Variants in FOXP2 observed in about 807,000 individuals in gnomAD.
FOXP2 encodes the protein forkhead box P2.
In FOXP2, 12 loss-of-function variants were observed where a neutral mutation model predicts 115.8. The ratio of observed to expected loss-of-function variants is 0.10; its 90% confidence interval spans 0.07 to 0.17. FOXP2 has a LOEUF of 0.17. FOXP2 is among the 10% of genes least tolerant of loss of function. The pLI, the probability that FOXP2 is intolerant of heterozygous loss-of-function variation, is 1.00. For synonymous variants in FOXP2, 328 were observed against 297.7 expected (o/e 1.10, Z -1.05); for missense variants, 629 against 843.5 (o/e 0.75, Z 3.15).
At chr7:114,284,706 G>C (rs1796423553) in intron 1 of FOXP2, among the ~76,000 whole-genome samples, 1 of 152,056 alleles carries the variant, frequency 6.6e-6, no homozygotes, top group African/African-American at 2.4e-5. Context: ...CCTGTTACTG[G>C]GTGTATACCC....
chr7:114,601,878 T>G (rs934368981), intron 3 of FOXP2, among the ~76,000 whole-genome samples: 1 of 152,072 alleles, frequency 6.6e-6, no homozygotes, highest in Non-Finnish European at 1.5e-5. Context: ...ATGGTTTATT[T>G]TGATACAGTT....
intron 1 of FOXP2, among the ~76,000 whole-genome samples, chr7:114,187,483 C>T (rs919322119): frequency 6.6e-6 from 1 of 152,150 alleles, no homozygotes; most frequent in Non-Finnish European, 1.5e-5. Flanking sequence ...CTTTACTGTC[C>T]GTATTTCTAC....
intron 3 of FOXP2, among the ~76,000 whole-genome samples, chr7:114,571,101 T>C (rs572786997): frequency 7.9e-5 from 12 of 152,100 alleles, no homozygotes; most frequent in African/African-American, 2.9e-4. Context: ...CATTTCACAG[T>C]TTCTGTGAGT....
intron 2 of FOXP2, among the ~76,000 whole-genome samples, chr7:114,312,389 A>G (rs1244971558): frequency 5.3e-5 from 8 of 152,060 alleles, no homozygotes; most frequent in African/African-American, 1.9e-4. Context: ...ACTCCCATTC[A>G]TTAGTCCTTA....
chr7:114,570,894 G>A (rs1789703581), intron 3 of FOXP2: 3 of 1,610,090 alleles, frequency 1.9e-6, no homozygotes, highest in African/African-American at 1.3e-5. Flanking sequence ...AAGTTACACT[G>A]GGCAATTAGA....
intron 2 of FOXP2, among the ~76,000 whole-genome samples, chr7:114,339,283 T>C (rs1268396425): frequency 1.3e-5 from 2 of 151,170 alleles, no homozygotes; most frequent in African/African-American, 4.8e-5. Flanking sequence ...TGGTATATGA[T>C]AATGTGATAA....
chr7:114,593,354 G>A (rs1802534887), intron 3 of FOXP2, among the ~76,000 whole-genome samples: 1 of 151,912 alleles, frequency 6.6e-6, no homozygotes, highest in Admixed American at 6.6e-5. Flanking sequence ...GTTCAAATGT[G>A]AACATATTTT....
chr7:114,323,507 A>G (rs1460801200), intron 2 of FOXP2, among the ~76,000 whole-genome samples: 1 of 152,022 alleles, frequency 6.6e-6, no homozygotes, highest in Admixed American at 6.5e-5. Context: ...GAGTTGCTGA[A>G]AAGACTTCTC....
At chr7:114,199,217 A>G (rs1335674781) in intron 1 of FOXP2, among the ~76,000 whole-genome samples, 1 of 152,124 alleles carries the variant, frequency 6.6e-6, no homozygotes, top group Non-Finnish European at 1.5e-5. Flanking sequence ...TTTTCTTCAC[A>G]TGTAGTGACA....
intron 2 of FOXP2, among the ~76,000 whole-genome samples, chr7:114,481,578 T>A (rs1225696079): frequency 6.6e-6 from 1 of 151,364 alleles, no homozygotes; most frequent in Non-Finnish European, 1.5e-5. Context: ...CTTTTCTCAT[T>A]AATTGACATT....
intron 1 of FOXP2, among the ~76,000 whole-genome samples, chr7:114,267,420 C>T (rs936530936): frequency 2.0e-5 from 3 of 152,006 alleles, no homozygotes; most frequent in Admixed American, 6.6e-5. Flanking sequence ...TGTTAATGTA[C>T]TTCTTTTTCA....
At chr7:114,255,769 G>A (rs74556997) in intron 1 of FOXP2, among the ~76,000 whole-genome samples, 2 of 152,046 alleles carry the variant, frequency 1.3e-5, no homozygotes, top group Admixed American at 1.3e-4. Context: ...CCCTGCTTTG[G>A]CTCACACTCG....
intron 3 of FOXP2, among the ~76,000 whole-genome samples, chr7:114,611,226 A>G (rs1001894370): frequency 8.5e-5 from 13 of 152,158 alleles, no homozygotes; most frequent in Admixed American, 5.9e-4. Context: ...TCTGATTTGT[A>G]AATACGGATT....
chr7:114,311,531 C>G (rs898120160), intron 2 of FOXP2, among the ~76,000 whole-genome samples: 1 of 152,062 alleles, frequency 6.6e-6, no homozygotes, highest in South Asian at 2.1e-4. Context: ...TCCCAAGAGT[C>G]CCCCAGTGCA....
At chr7:114,374,437 C>A (rs1415661646) in intron 2 of FOXP2, among the ~76,000 whole-genome samples, 1 of 151,868 alleles carries the variant, frequency 6.6e-6, no homozygotes, top group Non-Finnish European at 1.5e-5. Context: ...TTAAACAAAT[C>A]AAAAAAATAC....
chr7:114,393,233 T>C (rs1584690545), intron 2 of FOXP2, among the ~76,000 whole-genome samples: 1 of 152,154 alleles, frequency 6.6e-6, no homozygotes, highest in Non-Finnish European at 1.5e-5. Context: ...TAAGAAACTT[T>C]CTTCTTAAAA....
chr7:114,535,672 G>A (rs7788341), intron 3 of FOXP2, among the ~76,000 whole-genome samples: 13,332 of 151,414 alleles, frequency 0.088, 1,223 homozygotes, highest in African/African-American at 0.23. Context: ...CTACTGATCT[G>A]TACAATCCAA....
chr7:114,098,006 T>C (rs1400448612), intron 1 of FOXP2, among the ~76,000 whole-genome samples: 7 of 152,190 alleles, frequency 4.6e-5, no homozygotes, highest in Admixed American at 4.6e-4. Flanking sequence ...GATAGAAGTC[T>C]AGGAATCTTT....
chr7:114,664,624 C>T (rs1003225437), intron 16 of FOXP2, 188 bp downstream of exon 16: 10 of 643,212 alleles, frequency 1.6e-5, no homozygotes, highest in African/African-American at 1.3e-4. Flanking sequence ...TTTAGATGAT[C>T]TCAAATGCCA....
Sources: allele counts gnomAD v4.1 joint callset (sites outside exome capture counted in the v4.1 genomes callset), GRCh38; gene constraint gnomAD v4.1.1; transcripts MANE v1.5; gene names NCBI Gene and HGNC (gene_info 2026-07-23, HGNC 2026-07-21).